UNC5C: variants seen among roughly 807,000 people sequenced by gnomAD.
The protein encoded by UNC5C is netrin receptor UNC5C.
A neutral mutation model predicts 99.8 loss-of-function variants in UNC5C; 47 were observed. That is an observed-to-expected ratio of 0.47 (90% CI 0.37 to 0.60). The LOEUF is 0.60. Among genes scored for constraint, UNC5C ranks in the 20% least tolerant of loss-of-function variants. The pLI is 0.00. For missense variants in UNC5C, 1,062 were observed against 1,165.9 expected (o/e 0.91, Z 1.30); for synonymous variants, 487 against 452.2 (o/e 1.08, Z -0.98).
intron 2 of UNC5C, among the ~76,000 whole-genome samples, chr4:95,322,968 G>A (rs990111428): frequency 4.6e-5 from 7 of 150,744 alleles, no homozygotes; most frequent in South Asian, 4.2e-4. Flanking sequence ...AGAAAAAGCC[G>A]AAGGTCAAAT....
chr4:95,518,711 T>C (rs116809809), intron 1 of UNC5C, among the ~76,000 whole-genome samples: 2,552 of 152,278 alleles, frequency 0.017, 70 homozygotes, highest in African/African-American at 0.059. Context: ...AAAGAAGCAA[T>C]CAAACAAGAT....
Position 95,167,750 on chromosome 4 carries a change from C to G in UNC5C, c.*1484G>C, listed in dbSNP as rs1735913789. 6.6e-6 allele frequency: 1 copy of G among 152,216 alleles called. No individual in the cohort carries two copies. The highest frequency in any genetic ancestry group is 2.1e-4 in the South Asian group (1 of 4,830). The allele number at this position is 152,216 out of a possible 1,614,324, so 9.4% of individuals were successfully genotyped here. ...ACATCATAATGCTGGTTAGAATAAT[C>G]ATCTTCCTTGTCAGAACTACTTGAA... On this transcript the variant is annotated 3_prime_UTR_variant, in exon 16 of 16. Coordinates refer to ENST00000453304, the MANE Select transcript of UNC5C (RefSeq NM_003728.4).
At chr4:95,245,571 A>T (rs545725168) in intron 5 of UNC5C, among the ~76,000 whole-genome samples, 1 of 152,318 alleles carries the variant, frequency 6.6e-6, no homozygotes, top group South Asian at 2.1e-4. Context: ...TAAAAAAAAG[A>T]TTGATTTTTT....
chr4:95,207,750 C>T (rs1162989458), intron 10 of UNC5C, among the ~76,000 whole-genome samples: 1 of 152,178 alleles, frequency 6.6e-6, no homozygotes, highest in Non-Finnish European at 1.5e-5. Flanking sequence ...CCAGCCAGAA[C>T]CCCTCTAAAA....
intron 8 of UNC5C, 146 bp downstream of exon 8, chr4:95,219,839 C>T (rs1037168009): frequency 2.7e-6 from 2 of 751,458 alleles, no homozygotes; most frequent in African/African-American, 3.5e-5. Context: ...ATGTAAATGA[C>T]ATCAATACAG....
intron 1 of UNC5C, among the ~76,000 whole-genome samples, chr4:95,336,474 A>T (rs1743342117): frequency 6.6e-6 from 1 of 151,872 alleles, no homozygotes; most frequent in South Asian, 2.1e-4. Context: ...AAGTTCTTTA[A>T]ATGTACGTAT....
At chr4:95,271,483 C>A (rs1170263334) in intron 4 of UNC5C, among the ~76,000 whole-genome samples, 1 of 152,120 alleles carries the variant, frequency 6.6e-6, no homozygotes, top group East Asian at 1.9e-4. Context: ...CCCGCCTCGG[C>A]CTACCAAAGT....
At chr4:95,211,059 A>C (rs1738058289) in intron 10 of UNC5C, among the ~76,000 whole-genome samples, 1 of 152,188 alleles carries the variant, frequency 6.6e-6, no homozygotes, top group Non-Finnish European at 1.5e-5. Context: ...GGTTGCTTAG[A>C]GTGGGTTTAA....
chr4:95,279,444 T>G (rs1196835413), intron 3 of UNC5C, among the ~76,000 whole-genome samples: 2 of 152,202 alleles, frequency 1.3e-5, no homozygotes, highest in Non-Finnish European at 2.9e-5. Context: ...GGCACATACT[T>G]CAAGAGATAG....
At chr4:95,402,774 G>A (rs1471164315) in intron 1 of UNC5C, among the ~76,000 whole-genome samples, 2 of 152,098 alleles carry the variant, frequency 1.3e-5, no homozygotes, top group Non-Finnish European at 2.9e-5. Context: ...TCTGCAATTA[G>A]CTAAACCTTT....
intron 10 of UNC5C, 108 bp from the exon 11 acceptor site, chr4:95,206,904 T>TTC: frequency 7.2e-6 from 5 of 692,594 alleles, no homozygotes; most frequent in Non-Finnish European, 9.9e-6. Flanking sequence ...CTGGAATTCT[T>TTC]TTTTTTTTTT....
chr4:95,434,699 A>C (rs531562805), intron 1 of UNC5C, among the ~76,000 whole-genome samples: 65 of 152,190 alleles, frequency 4.3e-4, no homozygotes, highest in African/African-American at 1.3e-3. Flanking sequence ...GGCAAGTAAA[A>C]TCTAGGAAAA....
intron 1 of UNC5C, among the ~76,000 whole-genome samples, chr4:95,510,689 A>G (rs1722047743): frequency 6.6e-6 from 1 of 152,120 alleles, no homozygotes; most frequent in Admixed American, 6.6e-5. Context: ...TTCCCAGGCA[A>G]GTTGTCATAC....
intron 4 of UNC5C, among the ~76,000 whole-genome samples, chr4:95,275,951 C>T (rs1740844821): frequency 6.6e-6 from 1 of 152,140 alleles, no homozygotes; most frequent in Non-Finnish European, 1.5e-5. Flanking sequence ...ATGAGTTTTA[C>T]CTGCTGGTTT....
chr4:95,193,693 TGCACTCCACCGAA>T (rs1221355124), intron 12 of UNC5C, among the ~76,000 whole-genome samples: 9 of 152,278 alleles, frequency 5.9e-5, no homozygotes, highest in Admixed American at 3.9e-4. Flanking sequence ...TGTGGGGGCC[TGCACTCCACCGAA>T]GCAGAGGCCA....
chr4:95,381,637 G>A (rs1185075999), intron 1 of UNC5C, among the ~76,000 whole-genome samples: 1 of 151,930 alleles, frequency 6.6e-6, no homozygotes, highest in Non-Finnish European at 1.5e-5. Context: ...ACATCAAATT[G>A]TACCACTTAA....
At chr4:95,406,438 G>A (rs923456256) in intron 1 of UNC5C, among the ~76,000 whole-genome samples, 3 of 152,154 alleles carry the variant, frequency 2.0e-5, no homozygotes, top group African/African-American at 7.2e-5. Flanking sequence ...GACATCATCT[G>A]AAAAGTTATT....
chr4:95,286,443 CACTGTGGGCACTGTAGGAG>C (rs1335885395), intron 3 of UNC5C, among the ~76,000 whole-genome samples: 1 of 152,144 alleles, frequency 6.6e-6, no homozygotes, highest in Non-Finnish European at 1.5e-5. Context: ...TTACGCATGG[CACTGTGGGCACTGTAGGAG>C]GCTGTGGGGA....
chr4:95,293,782 C>T (rs1032103845), intron 3 of UNC5C, among the ~76,000 whole-genome samples: 1 of 152,100 alleles, frequency 6.6e-6, no homozygotes, highest in African/African-American at 2.4e-5. Context: ...TAACCTCAGG[C>T]GATTTTTAAT....
Sources: gnomAD v4.1 joint callset for allele counts (sites outside exome capture counted in the v4.1 genomes callset) on GRCh38, gnomAD v4.1.1 for gene constraint, MANE v1.5 for transcripts, NCBI Gene and HGNC (gene_info 2026-07-23, HGNC 2026-07-21) for gene names.